Variants in GAD1 observed in about 807,000 individuals in gnomAD.
GAD1 encodes the protein 67 kDa glutamic acid decarboxylase.
GAD1 carries 35 observed loss-of-function variants against 75.2 expected under a neutral mutation model. The observed-to-expected ratio is 0.47, with a 90% CI of 0.36 to 0.62. The LOEUF is 0.62. Among genes scored for constraint, GAD1 ranks in the 20% least tolerant of loss-of-function variants. The pLI, the probability that GAD1 is intolerant of heterozygous loss-of-function variation, is 0.00. For synonymous variants in GAD1, 257 were observed against 271.9 expected (o/e 0.95, Z 0.54); for missense variants, 490 against 758.5 (o/e 0.65, Z 4.16).
At chr2:170,858,744 G>A in intron 15 of GAD1, 60 bp from the exon 16 acceptor site, 2 of 1,511,916 alleles carry the variant, frequency 1.3e-6, no homozygotes, top group Non-Finnish European at 9.2e-7. Flanking sequence ...TATTGGTTTG[G>A]GAACAGCTTT....
At chr2:170,825,455 T>C (rs1199830578) in intron 3 of GAD1, among the ~76,000 whole-genome samples, 5 of 152,216 alleles carry the variant, frequency 3.3e-5, no homozygotes, top group Non-Finnish European at 5.9e-5. Flanking sequence ...TTCCATGCCA[T>C]AGCTTGGTGA....
intron 1 of GAD1, chr2:170,817,662 TCCTGCGC>T (rs1164852462): frequency 6.6e-6 from 1 of 152,368 alleles, no homozygotes; most frequent in Non-Finnish European, 1.5e-5. Flanking sequence ...GTCCGCCGCC[TCCTGCGC>T]GCTGCGCGCA....
In GAD1 at chr2:170,845,977, T is replaced by C. The variant is rs41311313; in HGVS notation, c.948-32T>C. 3.6e-3 allele frequency: 5,688 copies of C among 1,601,768 alleles called. 24 individuals carry two copies. The highest frequency in any genetic ancestry group is 3.5e-3 in the Non-Finnish European group (4,081 of 1,168,814). On this transcript the variant is annotated intron_variant, in intron 9 of 16. Transcript: ENST00000358196. Reference sequence around the variant, plus strand: ...CATGTGCAATCTCATTGACTCTTCATTTTAATTTCCCTCCTTTTCCAATAA... The same window carrying C: ...CATGTGCAATCTCATTGACTCTTCACTTTAATTTCCCTCCTTTTCCAATAA...
At position 170,828,504 on chromosome 2, in the gene GAD1, CTCCTCCCTCTGCTGTCCTT is replaced by C. The variant is rs1394171129; in HGVS notation, c.146-970_146-952del. Among the ~76,000 whole-genome samples the C allele has an allele frequency of 7.0e-4, 97 of 138,172 alleles. 1 individual carries two copies. Among genetic ancestry groups the C allele is most frequent in the Admixed American group, 2.7e-3 (38 of 13,984 alleles). 90.6% of individuals were successfully genotyped at this position (138,172 alleles called of 152,430 possible). On this transcript the variant is annotated intron_variant, in intron 3 of 16. Transcript: ENST00000358196. ...ATCTCCTCCCTCTGCTGTCCTTGAT[CTCCTCCCTCTGCTGTCCTT>C]GCTCTCCTCCCTCTGCTGTCCTCAC...
intron 6 of GAD1, chr2:170,842,428 G>A (rs1200097141): frequency 4.8e-6 from 4 of 825,086 alleles, no homozygotes; most frequent in Non-Finnish European, 8.5e-6. Context: ...TTTTTGTCAT[G>A]TCAACATTTC....
upstream of GAD1, among the ~76,000 whole-genome samples, chr2:170,813,855 C>G (rs187160703): frequency 3.7e-3 from 561 of 152,316 alleles, 1 homozygote; most frequent in African/African-American, 0.013. Flanking sequence ...GTGGAGTAGC[C>G]GGGGCTGCAA....
At position 170,852,196 on chromosome 2, in the gene GAD1, G is replaced by A. The variant is rs182492077; in HGVS notation, c.1185-518G>A. 2.1e-3 allele frequency among the ~76,000 whole-genome samples: 315 copies of A among 152,242 alleles called. 3 individuals carry two copies. Among genetic ancestry groups the A allele is most frequent in the Non-Finnish European group, 2.1e-3 (140 of 68,012 alleles). ...TGTTAGTTTCCCCATCTAAAACAGA[G>A]GTAATAATAGTACCTACCTTATAGG... On this transcript the variant is annotated intron_variant, in intron 12 of 16. Coordinates refer to ENST00000358196, the MANE Select transcript of GAD1 (RefSeq NM_000817.3).
chr2:170,831,017 C>T lies in GAD1; in HGVS notation c.372C>T (p.Leu124=). The T allele has an allele frequency of 6.2e-7, 1 of 1,614,124 alleles. No homozygotes were observed. The highest frequency in any genetic ancestry group is 8.5e-7 in the Non-Finnish European group (1 of 1,179,974). Residue 124 remains leucine, a synonymous_variant, in exon 5 of 17, where the codon CTC becomes CTT. Coordinates refer to ENST00000358196, the MANE Select transcript of GAD1 (RefSeq NM_000817.3). ...VQFLLEVVDI[L]LNYVRKTFDR... is the part of the protein sequence containing the mutation. Reference sequence around the variant, plus strand: ...TCCTCCTGGAAGTGGTGGACATACTCCTCAACTATGTCCGCAAGACATTTG... The same window carrying T: ...TCCTCCTGGAAGTGGTGGACATACTTCTCAACTATGTCCGCAAGACATTTG...
At chr2:170,828,067 G>A (rs1160065713) in intron 3 of GAD1, among the ~76,000 whole-genome samples, 1 of 29,900 alleles carries the variant, frequency 3.3e-5, no homozygotes, top group East Asian at 5.9e-4. Flanking sequence ...TCCTTCTGCT[G>A]TCCTCCCTCT....
chr2:170,816,221 T>C, upstream of GAD1: 1 of 152,540 alleles, frequency 6.6e-6, no homozygotes, highest in Non-Finnish European at 1.5e-5. Context: ...CGCGGGGTCC[T>C]TTTCTCTGCC....
chr2:170,843,963 A>T, intron 6 of GAD1, 82 bp from the exon 7 acceptor site: 1 of 795,990 alleles, frequency 1.3e-6, no homozygotes, highest in Non-Finnish European at 2.2e-6. Context: ...AACTACAAAT[A>T]CTAAACCAAT....
rs1701778698 is a variant in GAD1 at position 170,818,668 on chromosome 2, C to G, written c.77C>G (p.Pro26Arg). 6.2e-7 allele frequency: 1 copy of G among 1,614,100 alleles called. No homozygotes were observed. The highest frequency in any genetic ancestry group is 8.5e-7 in the Non-Finnish European group (1 of 1,179,938). Reference protein sequence around the residue: ...GADPNTTNLRPTTYDTWCGVA... With the variant: ...GADPNTTNLRRTTYDTWCGVA... ...GACCCCAATACCACTAACCTGCGCC[C>G]CACAAGTAGGTCCCGCCCCAATTTT... Residue 26 changes from proline to arginine, a missense_variant, in exon 2 of 17, where the codon CCC (proline) becomes CGC (arginine). Around this residue, in one of 3 missense-constraint regions of GAD1, gnomAD observed 165 missense variants for 216.4 expected, o/e 0.76. Transcript: ENST00000358196. The surrounding 1 kb of genome is among the most constrained non-coding windows in gnomAD (Gnocchi z 5.9).
At chr2:170,821,829 G>A (rs1198390660) in intron 2 of GAD1, 6 of 522,242 alleles carry the variant, frequency 1.1e-5, no homozygotes, top group African/African-American at 9.6e-5. Context: ...TTACGGGCCC[G>A]GAGGGGCGCC....
Position 170,852,728 on chromosome 2 carries a change from C to T in GAD1, c.1199C>T (p.Thr400Ile). The change falls in exon 13 of 17, where the codon ACC becomes ATC. Residue 400 changes from threonine to isoleucine, a missense_variant. By Grantham distance (89) the Thr-to-Ile change is moderately conservative. Transcript: ENST00000358196. ...LNGIERANSV[T>I]WNPHKMMGVL... ...GCTTCTTTCAGGGCCAACTCAGTCA[C>T]CTGGAACCCTCACAAGATGATGGGC... 4 of 1,614,182 alleles carry T rather than the reference C, an allele frequency of 2.5e-6. No individual in the cohort carries two copies. Among genetic ancestry groups the T allele is most frequent in the Non-Finnish European group, 3.4e-6 (4 of 1,180,024 alleles).
intron 3 of GAD1, among the ~76,000 whole-genome samples, chr2:170,824,853 A>G (rs1190675557): frequency 1.3e-5 from 2 of 152,074 alleles, no homozygotes; most frequent in Non-Finnish European, 2.9e-5. Context: ...CTAACTTCCC[A>G]GGGTGTCCTT....
intron 3 of GAD1, among the ~76,000 whole-genome samples, chr2:170,823,580 C>T (rs1349650248): frequency 6.6e-6 from 1 of 152,210 alleles, no homozygotes; most frequent in Non-Finnish European, 1.5e-5. Context: ...AAGGCCAGGG[C>T]TGCATCCCTG....
intron 4 of GAD1, chr2:170,829,923 G>T: frequency 2.5e-6 from 1 of 406,710 alleles, no homozygotes; most frequent in Non-Finnish European, 4.5e-6. Flanking sequence ...AAGGAACCTT[G>T]CATATAAGAA....
intron 3 of GAD1, 32 bp downstream of exon 3, chr2:170,822,181 G>C: frequency 1.9e-6 from 3 of 1,602,154 alleles, no homozygotes; most frequent in Non-Finnish European, 2.6e-6. Flanking sequence ...GGCCCGGCTG[G>C]GTGGCGCGGC....
At chr2:170,844,744 A>G (rs1412084751) in intron 7 of GAD1, among the ~76,000 whole-genome samples, 2 of 152,250 alleles carry the variant, frequency 1.3e-5, no homozygotes, top group Non-Finnish European at 2.9e-5. Context: ...AGATAAAATA[A>G]GAATTTTTAA....
Sources: allele counts gnomAD v4.1 joint callset (sites outside exome capture counted in the v4.1 genomes callset), GRCh38; gene constraint gnomAD v4.1.1; regional missense constraint gnomAD v4.1.1; non-coding constraint Gnocchi (gnomAD v3.1); transcripts MANE v1.5; gene names NCBI Gene and HGNC (gene_info 2026-07-23, HGNC 2026-07-21).